The following SRFBP1 variants were observed in gnomAD, a reference collection of about 807,000 sequenced individuals.
SRFBP1 encodes the protein serum response factor-binding protein 1.
Under a neutral mutation model 45.5 loss-of-function variants are expected in SRFBP1, and 47 were observed. The ratio of observed to expected loss-of-function variants is 1.03; its 90% CI spans 0.82 to 1.32. The LOEUF is 1.32. SRFBP1 is among the 40% of genes most tolerant of loss of function. The probability of loss-of-function intolerance (pLI) is 0.00; values close to 1 mark genes in which losing one functional copy is unlikely to be tolerated. For missense variants in SRFBP1, 621 were observed against 484.6 expected, an observed-to-expected ratio of 1.28 and a Z score of -2.64; for synonymous variants, 203 against 166.3, an observed-to-expected ratio of 1.22 and a Z score of -1.70.
intron 4 of SRFBP1, among the ~76,000 whole-genome samples, chr5:122,013,984 A>G (rs1753144997): frequency 7.0e-6 from 1 of 143,854 alleles, no homozygotes; most frequent in Non-Finnish European, 1.5e-5. Context: ...TAGCACAGCA[A>G]GGTGACTACA....
chr5:122,072,522 A>T (rs1452000193), intron 2 of SRFBP1, among the ~76,000 whole-genome samples: 1 of 152,212 alleles, frequency 6.6e-6, no homozygotes, highest in African/African-American at 2.4e-5. Flanking sequence ...AATATGTAAA[A>T]GTATAAATCT....
intron 6 of SRFBP1, among the ~76,000 whole-genome samples, chr5:122,021,340 C>G (rs939875062): frequency 2.6e-5 from 4 of 152,138 alleles, no homozygotes; most frequent in Non-Finnish European, 5.9e-5. Context: ...TGTTATAAAA[C>G]AGTAAGTTTA....
intron 4 of SRFBP1, among the ~76,000 whole-genome samples, chr5:122,003,204 G>A (rs1180701565): frequency 2.6e-5 from 4 of 151,976 alleles, no homozygotes; most frequent in Non-Finnish European, 5.9e-5. Flanking sequence ...AATAAGCTGG[G>A]CATGGTGACA....
chr5:121,994,781 A>C, intron 4 of SRFBP1, 111 bp downstream of exon 4: 5 of 666,722 alleles, frequency 7.5e-6, no homozygotes, highest in Non-Finnish European at 1.2e-5. Context: ...GTTTGTAATT[A>C]GTTTTCCTAA....
At chr5:122,034,237 C>T (rs949409456) in intron 2 of SRFBP1, among the ~76,000 whole-genome samples, 1 of 152,144 alleles carries the variant, frequency 6.6e-6, no homozygotes, top group Admixed American at 6.5e-5. Flanking sequence ...GAAGTAAGCC[C>T]TTTCACATGT....
intron 2 of SRFBP1, among the ~76,000 whole-genome samples, chr5:122,061,883 T>A (rs1346010778): frequency 6.6e-6 from 1 of 151,988 alleles, no homozygotes; most frequent in African/African-American, 2.4e-5. Context: ...TATCCTTATG[T>A]CCTATAGCTC....
chr5:121,970,502 A>G (rs1752165710), intron 1 of SRFBP1, among the ~76,000 whole-genome samples: 1 of 151,046 alleles, frequency 6.6e-6, no homozygotes, highest in Admixed American at 6.6e-5. Flanking sequence ...AAAATGTATC[A>G]TGACACTGTA....
chr5:122,021,915 C>G (rs182000637), intron 6 of SRFBP1, among the ~76,000 whole-genome samples: 154 of 151,220 alleles, frequency 1.0e-3, no homozygotes, highest in African/African-American at 3.5e-3. Flanking sequence ...CGGTTAGTGT[C>G]GAACTCCTGA....
At chr5:122,017,756 C>T (rs943554366) in intron 4 of SRFBP1, among the ~76,000 whole-genome samples, 86 of 152,134 alleles carry the variant, frequency 5.7e-4, no homozygotes, top group African/African-American at 1.8e-3. Flanking sequence ...TTTTGGTATT[C>T]GTACATTTAT....
chr5:121,981,367 A>G lies in SRFBP1; in HGVS notation c.198+5980A>G, dbSNP rs77819728. On this transcript the variant is annotated intron_variant, in intron 3 of 7. Transcript: ENST00000339397. Reference sequence around the variant, plus strand: ...TTTTAAAATGAGCACGTTTAAAAACACATTCAAATCATAATAGACTTCCTG... The same window carrying G: ...TTTTAAAATGAGCACGTTTAAAAACGCATTCAAATCATAATAGACTTCCTG... Among the ~76,000 whole-genome samples the G allele has an allele frequency of 5.0e-3, 759 of 152,142 alleles. 10 individuals carry two copies. Among genetic ancestry groups the G allele is most frequent in the African/African-American group, 0.017 (716 of 41,548 alleles).
chr5:121,978,238 A>G (rs1447534375), intron 3 of SRFBP1, among the ~76,000 whole-genome samples: 1 of 152,208 alleles, frequency 6.6e-6, no homozygotes. Flanking sequence ...ACAGAATAAG[A>G]AACTCAAGCT....
chr5:122,001,638 T>G (rs1752874551), intron 4 of SRFBP1, among the ~76,000 whole-genome samples: 1 of 145,814 alleles, frequency 6.9e-6, no homozygotes, highest in Non-Finnish European at 1.5e-5. Flanking sequence ...CTCGGCTCAC[T>G]GCAAGCTCCG....
chr5:122,061,066 A>C (rs1401088351), intron 2 of SRFBP1, among the ~76,000 whole-genome samples: 1 of 152,014 alleles, frequency 6.6e-6, no homozygotes, highest in African/African-American at 2.4e-5. Flanking sequence ...AAAATTCTTG[A>C]CTCCAATATT....
chr5:122,049,892 T>A (rs562116734), intron 2 of SRFBP1, among the ~76,000 whole-genome samples: 2 of 152,302 alleles, frequency 1.3e-5, no homozygotes, highest in East Asian at 3.9e-4. Flanking sequence ...AGAGGGAAAT[T>A]TATAGCACTA....
intron 2 of SRFBP1, among the ~76,000 whole-genome samples, chr5:122,058,478 A>C (rs1182398647): frequency 6.6e-6 from 1 of 151,990 alleles, no homozygotes; most frequent in Non-Finnish European, 1.5e-5. Flanking sequence ...TCATCTGTAG[A>C]ATGAAGAAAA....
chr5:122,029,400 T>TA (rs201453032), downstream of SRFBP1, among the ~76,000 whole-genome samples: 1,564 of 152,294 alleles, frequency 0.01, 26 homozygotes, highest in Non-Finnish European at 9.0e-3. Context: ...TAGTTCCACT[T>TA]ACTCCTTTCT....
intron 2 of SRFBP1, among the ~76,000 whole-genome samples, chr5:122,041,797 T>C (rs916168769): frequency 2.0e-5 from 3 of 152,204 alleles, no homozygotes; most frequent in Non-Finnish European, 4.4e-5. Context: ...TTTTCATAAT[T>C]CTTTATCTTG....
chr5:122,078,044 C>T, downstream of SRFBP1: 8 of 1,407,142 alleles, frequency 5.7e-6, no homozygotes, highest in Non-Finnish European at 7.4e-6. Flanking sequence ...AAAATAAAAA[C>T]GGGGCTCAAA....
chr5:122,028,666 A>T (rs1753539585), downstream of SRFBP1: 1 of 152,042 alleles, frequency 6.6e-6, no homozygotes, highest in African/African-American at 2.4e-5. Flanking sequence ...CAGAGAGAAA[A>T]TTATTTTTGC....
Sources: gnomAD v4.1 joint callset for allele counts (sites outside exome capture counted in the v4.1 genomes callset) on GRCh38, gnomAD v4.1.1 for gene constraint, MANE v1.5 for transcripts, NCBI Gene and HGNC (gene_info 2026-07-23, HGNC 2026-07-21) for gene names.